The following SLC25A21 variants were observed in gnomAD, a reference collection of about 807,000 sequenced individuals.
SLC25A21 encodes the protein mitochondrial 2-oxodicarboxylate carrier.
A neutral mutation model predicts 43.8 loss-of-function variants in SLC25A21; 47 were observed. That is an observed-to-expected ratio of 1.07 (90% CI 0.85 to 1.37). The LOEUF (loss-of-function observed/expected upper bound fraction) is 1.37. Among genes scored for constraint, SLC25A21 ranks in the 40% most tolerant of loss-of-function variants. SLC25A21 has a pLI of 0.00. For synonymous variants in SLC25A21, 131 were observed against 121.3 expected, an observed-to-expected ratio of 1.08 and a Z score of -0.52; for missense variants, 352 against 350.2, an observed-to-expected ratio of 1.00 and a Z score of -0.04.
chr14:36,857,237 CT>C (rs1413697330), intron 2 of SLC25A21, among the ~76,000 whole-genome samples: 1 of 152,198 alleles, frequency 6.6e-6, no homozygotes, highest in Non-Finnish European at 1.5e-5. Flanking sequence ...GGGAAGACCC[CT>C]CTGGAGGGCA....
Position 36,680,603 on chromosome 14 carries a change from G to A in SLC25A21, c.*55C>T. ...CCGATCGATAGTCTCTCTTCTTCAT[G>A]GTGCTGCATAGCAAATATCCATTAT... is the stretch of plus-strand genomic sequence containing the variant. On this transcript the variant is annotated 3_prime_UTR_variant, in exon 10 of 10. Transcript: ENST00000331299. The A allele has an allele frequency of 1.9e-6, 3 of 1,570,964 alleles. No individual in the cohort carries two copies. The highest frequency in any genetic ancestry group is 2.6e-6 in the Non-Finnish European group (3 of 1,158,844).
intron 1 of SLC25A21, among the ~76,000 whole-genome samples, chr14:37,115,003 G>A (rs1015650715): frequency 2.0e-5 from 3 of 152,150 alleles, no homozygotes; most frequent in African/African-American, 7.2e-5. Context: ...CAAGGAGACT[G>A]AAATAGTGAC....
chr14:36,989,505 T>TTC (rs1007438068), intron 1 of SLC25A21, among the ~76,000 whole-genome samples: 1 of 142,498 alleles, frequency 7.0e-6, no homozygotes, highest in African/African-American at 2.7e-5. Flanking sequence ...ACTAAATCAT[T>TTC]TTTTTTTTTT....
intron 1 of SLC25A21, among the ~76,000 whole-genome samples, chr14:37,072,985 CT>C (rs1422884189): frequency 6.6e-6 from 1 of 152,212 alleles, no homozygotes; most frequent in Non-Finnish European, 1.5e-5. Context: ...CAACGTGTCA[CT>C]CTTTATCTTG....
chr14:37,089,588 G>T (rs540908445), intron 1 of SLC25A21, among the ~76,000 whole-genome samples: 8 of 152,222 alleles, frequency 5.3e-5, no homozygotes, highest in Admixed American at 3.3e-4. Flanking sequence ...TCCCCAAACA[G>T]ATTTCTTGGA....
intron 2 of SLC25A21, among the ~76,000 whole-genome samples, chr14:36,833,225 T>C (rs1361714140): frequency 1.3e-5 from 2 of 152,108 alleles, no homozygotes; most frequent in South Asian, 2.1e-4. Flanking sequence ...TTAGAGGACA[T>C]AGGATATACC....
intron 3 of SLC25A21, among the ~76,000 whole-genome samples, chr14:36,740,493 A>G (rs1950357): frequency 6.6e-6 from 1 of 152,046 alleles, no homozygotes. Context: ...TAATTGTACT[A>G]CTTATGTACA....
In SLC25A21 at chr14:37,120,408, T is replaced by G. The variant is rs1340752692; in HGVS notation, c.70+51873A>C. Reference sequence around the variant, plus strand: ...TTGCAAAAAGTAAATATGACATGTTTTTAAATGACCAAAGGGGACTTACTT... The same window carrying G: ...TTGCAAAAAGTAAATATGACATGTTGTTAAATGACCAAAGGGGACTTACTT... On this transcript the variant is annotated intron_variant, in intron 1 of 9. Coordinates refer to ENST00000331299, the MANE Select transcript of SLC25A21 (RefSeq NM_030631.4). 2.0e-5 allele frequency among the ~76,000 whole-genome samples: 3 copies of G among 152,232 alleles called. No individual in the cohort carries two copies. The East Asian group carries it at 5.8e-4, about 29-fold the overall frequency.
chr14:36,910,804 G>C (rs1344351524), intron 1 of SLC25A21, among the ~76,000 whole-genome samples: 2 of 152,126 alleles, frequency 1.3e-5, no homozygotes, highest in East Asian at 3.8e-4. Flanking sequence ...ATTAGTTAAT[G>C]AACTGTAAAA....
At chr14:36,691,464 A>G (rs746656301) in intron 7 of SLC25A21, among the ~76,000 whole-genome samples, 9 of 152,238 alleles carry the variant, frequency 5.9e-5, no homozygotes, top group Non-Finnish European at 1.2e-4. Context: ...ACTGTCACCA[A>G]TTAGGAACTG....
chr14:36,707,186 T>C (rs1883609761), intron 7 of SLC25A21, among the ~76,000 whole-genome samples: 1 of 152,254 alleles, frequency 6.6e-6, no homozygotes, highest in Non-Finnish European at 1.5e-5. Context: ...TGCTAATTTC[T>C]AACTCATTCT....
At chr14:36,707,583 T>A in intron 7 of SLC25A21, among the ~76,000 whole-genome samples, 1 of 152,170 alleles carries the variant, frequency 6.6e-6, no homozygotes, top group East Asian at 1.9e-4. Flanking sequence ...ACTAGTATAA[T>A]CTGGGCATGG....
chr14:36,722,983 G>T (rs1240415562), intron 6 of SLC25A21, among the ~76,000 whole-genome samples: 1 of 152,122 alleles, frequency 6.6e-6, no homozygotes, highest in Middle Eastern at 3.2e-3. Context: ...AAAGCAAGAA[G>T]TATTCCTGGC....
chr14:36,853,523 G>A (rs1471482169), intron 2 of SLC25A21, among the ~76,000 whole-genome samples: 1 of 152,110 alleles, frequency 6.6e-6, no homozygotes, highest in Non-Finnish European at 1.5e-5. Flanking sequence ...TCACCTCCCA[G>A]GACTCCTGCT....
chr14:37,134,058 G>A (rs955970522), intron 1 of SLC25A21, among the ~76,000 whole-genome samples: 3 of 152,146 alleles, frequency 2.0e-5, no homozygotes, highest in African/African-American at 7.2e-5. Context: ...AGGAAGATAA[G>A]TAGCTATTGA....
chr14:37,157,937 C>A (rs995875694), intron 1 of SLC25A21, among the ~76,000 whole-genome samples: 2 of 152,114 alleles, frequency 1.3e-5, no homozygotes, highest in African/African-American at 4.8e-5. Flanking sequence ...TATCAAAGAT[C>A]ATCAGAGACT....
chr14:36,717,676 T>A (rs1410465443), intron 6 of SLC25A21, among the ~76,000 whole-genome samples: 2 of 152,252 alleles, frequency 1.3e-5, no homozygotes, highest in African/African-American at 4.8e-5. Flanking sequence ...TGCTTCTTCA[T>A]GGTCTCATAA....
intron 1 of SLC25A21, among the ~76,000 whole-genome samples, chr14:37,091,297 G>T (rs1962580369): frequency 6.6e-6 from 1 of 151,638 alleles, no homozygotes; most frequent in South Asian, 2.1e-4. Context: ...AGCTGGGTGT[G>T]GTAGCACACA....
At chr14:37,106,541 C>A (rs1192623394) in intron 1 of SLC25A21, among the ~76,000 whole-genome samples, 1 of 152,062 alleles carries the variant, frequency 6.6e-6, no homozygotes, top group Non-Finnish European at 1.5e-5. Flanking sequence ...TAAAAAACAA[C>A]CCTGTTTTCT....
Sources: gnomAD v4.1 joint callset for allele counts (sites outside exome capture counted in the v4.1 genomes callset) on GRCh38, gnomAD v4.1.1 for gene constraint, MANE v1.5 for transcripts, NCBI Gene and HGNC (gene_info 2026-07-23, HGNC 2026-07-21) for gene names.